PCDH9: variants seen among roughly 807,000 people sequenced by gnomAD.
PCDH9 encodes the protein protocadherin 9.
PCDH9 carries 24 observed loss-of-function variants against 70.6 expected under a neutral mutation model. The observed-to-expected ratio is 0.34, with a 90% CI of 0.25 to 0.48. The LOEUF is 0.48. Ranked by LOEUF, PCDH9 falls within the 20% of genes least tolerant of loss-of-function variation. The probability of loss-of-function intolerance (pLI) is 0.99; values close to 1 mark genes in which losing one functional copy is unlikely to be tolerated. For missense variants in PCDH9, 1,281 were observed against 1,503.6 expected (o/e 0.85, Z 2.45); for synonymous variants, 562 against 558.5 (o/e 1.01, Z -0.09).
At chr13:66,784,892 A>G (rs1240650703) in intron 3 of PCDH9, among the ~76,000 whole-genome samples, 3 of 152,114 alleles carry the variant, frequency 2.0e-5, no homozygotes, top group Non-Finnish European at 2.9e-5. Flanking sequence ...CTTACTTTAT[A>G]AACTATAGAA....
At chr13:66,344,319 T>C (rs2138152780) in intron 4 of PCDH9, among the ~76,000 whole-genome samples, 1 of 152,182 alleles carries the variant, frequency 6.6e-6, no homozygotes, top group East Asian at 1.9e-4. Flanking sequence ...AGAGATGGGG[T>C]TTCACCATGT....
intron 2 of PCDH9, among the ~76,000 whole-genome samples, chr13:67,021,913 T>C (rs2084681028): frequency 6.6e-6 from 1 of 151,980 alleles, no homozygotes. Flanking sequence ...TGTGTATATA[T>C]ATGTATGTAG....
At chr13:66,406,370 T>C (rs1850382893) in intron 4 of PCDH9, among the ~76,000 whole-genome samples, 1 of 152,200 alleles carries the variant, frequency 6.6e-6, no homozygotes, top group African/African-American at 2.4e-5. Flanking sequence ...TTGCAGACAA[T>C]ATTTGTGATG....
chr13:66,449,027 A>T (rs1297288729), intron 4 of PCDH9, among the ~76,000 whole-genome samples: 3 of 152,182 alleles, frequency 2.0e-5, no homozygotes, highest in African/African-American at 7.2e-5. Flanking sequence ...AAAGAAATTG[A>T]ATAGTTTAGA....
intron 3 of PCDH9, among the ~76,000 whole-genome samples, chr13:66,902,561 T>G (rs1486797286): frequency 6.6e-6 from 1 of 151,474 alleles, no homozygotes; most frequent in Non-Finnish European, 1.5e-5. Context: ...GAAAACAGAA[T>G]ACACACACAG....
chr13:66,745,693 T>C (rs1193677452), intron 3 of PCDH9, among the ~76,000 whole-genome samples: 1 of 152,134 alleles, frequency 6.6e-6, no homozygotes, highest in East Asian at 1.9e-4. Context: ...ATAATAATTA[T>C]TTCCACCAAA....
chr13:66,842,443 G>A (rs571778338), intron 3 of PCDH9, among the ~76,000 whole-genome samples: 25 of 152,050 alleles, frequency 1.6e-4, no homozygotes, highest in African/African-American at 6.0e-4. Flanking sequence ...TTCCTCTCTC[G>A]CCCTTTTCCT....
chr13:66,525,153 T>G (rs1164590866), intron 4 of PCDH9, among the ~76,000 whole-genome samples: 2 of 152,062 alleles, frequency 1.3e-5, no homozygotes, highest in East Asian at 3.9e-4. Flanking sequence ...CTCATTTCCC[T>G]TCTCTACAAC....
At chr13:67,103,382 CT>C (rs2086471073) in intron 2 of PCDH9, among the ~76,000 whole-genome samples, 1 of 152,242 alleles carries the variant, frequency 6.6e-6, no homozygotes, top group Admixed American at 6.5e-5. Flanking sequence ...AATCTTCCTG[CT>C]TTGTAAGTCA....
intron 3 of PCDH9, among the ~76,000 whole-genome samples, chr13:66,755,835 G>GC (rs1415229069): frequency 6.6e-6 from 1 of 152,112 alleles, no homozygotes; most frequent in Non-Finnish European, 1.5e-5. Flanking sequence ...ATAAAAAATT[G>GC]ACACATGCAG....
At chr13:66,429,372 G>A (rs934426238) in intron 4 of PCDH9, among the ~76,000 whole-genome samples, 8 of 149,784 alleles carry the variant, frequency 5.3e-5, no homozygotes, top group African/African-American at 2.0e-4. Flanking sequence ...ATGACTATGG[G>A]AACAAAAATC....
chr13:66,668,980 G>A, intron 3 of PCDH9, among the ~76,000 whole-genome samples: 1 of 152,040 alleles, frequency 6.6e-6, no homozygotes, highest in Admixed American at 6.6e-5. Context: ...TCCTCTCTAG[G>A]AAAATATTGC....
At chr13:66,846,863 A>G (rs376917375) in intron 3 of PCDH9, among the ~76,000 whole-genome samples, 7 of 144,914 alleles carry the variant, frequency 4.8e-5, no homozygotes, top group African/African-American at 1.8e-4. Flanking sequence ...CATTCTATCA[A>G]TCTCTCTCCC....
At chr13:66,397,326 G>A (rs1350404016) in intron 4 of PCDH9, among the ~76,000 whole-genome samples, 1 of 151,972 alleles carries the variant, frequency 6.6e-6, no homozygotes, top group Non-Finnish European at 1.5e-5. Flanking sequence ...AGCTGAAGTG[G>A]GAGGATTGCT....
At chr13:66,589,076 C>T (rs2077004149) in intron 4 of PCDH9, among the ~76,000 whole-genome samples, 1 of 151,992 alleles carries the variant, frequency 6.6e-6, no homozygotes, top group African/African-American at 2.4e-5. Flanking sequence ...TTGGTTATCT[C>T]TCAACTAGTT....
At chr13:66,488,704 T>C (rs1958986520) in intron 4 of PCDH9, among the ~76,000 whole-genome samples, 1 of 152,050 alleles carries the variant, frequency 6.6e-6, no homozygotes, top group African/African-American at 2.4e-5. Flanking sequence ...TAGAAGAAAA[T>C]TTATATATGT....
chr13:66,685,200 A>C (rs2139070162), intron 3 of PCDH9, among the ~76,000 whole-genome samples: 1 of 152,200 alleles, frequency 6.6e-6, no homozygotes, highest in African/African-American at 2.4e-5. Flanking sequence ...AGGAGGAAAA[A>C]ATGGTGTTGT....
intron 3 of PCDH9, among the ~76,000 whole-genome samples, chr13:66,886,956 G>A (rs371227052): frequency 9.3e-5 from 14 of 149,876 alleles, no homozygotes; most frequent in East Asian, 3.9e-4. Context: ...AATACTCCCC[G>A]ATCTCATTAT....
chr13:66,322,377 T>C (rs1193268436), intron 4 of PCDH9, among the ~76,000 whole-genome samples: 1 of 152,004 alleles, frequency 6.6e-6, no homozygotes, highest in Non-Finnish European at 1.5e-5. Context: ...CTATACTGCC[T>C]ACGTGTTTAA....
Sources: gnomAD v4.1 joint callset for allele counts (sites outside exome capture counted in the v4.1 genomes callset) on GRCh38, gnomAD v4.1.1 for gene constraint, MANE v1.5 for transcripts, NCBI Gene and HGNC (gene_info 2026-07-23, HGNC 2026-07-21) for gene names.